SNX24: variants seen among roughly 807,000 people sequenced by gnomAD.
The protein encoded by SNX24 is sorting nexin 24, also known as sorting nexin-24.
SNX24 carries 22 observed loss-of-function variants against 28.7 expected under a neutral mutation model. That is an observed-to-expected ratio of 0.77 (90% CI 0.55 to 1.10). SNX24 has a LOEUF of 1.10. Among genes scored for constraint, SNX24 ranks in the 50% least tolerant of loss-of-function variants. The pLI is 0.00. For synonymous variants in SNX24, 69 were observed against 71.5 expected (o/e 0.96, Z 0.18); for missense variants, 221 against 201.1 (o/e 1.10, Z -0.60).
intron 1 of SNX24, among the ~76,000 whole-genome samples, chr5:122,882,310 C>T (rs1756515393): frequency 6.6e-6 from 1 of 152,180 alleles, no homozygotes; most frequent in Non-Finnish European, 1.5e-5. Context: ...ATTAGGATGC[C>T]TCTACTCCTT....
At chr5:122,953,277 G>A (rs1760047075) in intron 3 of SNX24, among the ~76,000 whole-genome samples, 1 of 151,892 alleles carries the variant, frequency 6.6e-6, no homozygotes, top group African/African-American at 2.4e-5. Context: ...GCTAATTTTT[G>A]TATTTTTAAT....
chr5:122,880,024 C>T (rs1215149122), intron 1 of SNX24, among the ~76,000 whole-genome samples: 1 of 152,074 alleles, frequency 6.6e-6, no homozygotes, highest in Non-Finnish European at 1.5e-5. Context: ...GTTTAAGGAC[C>T]AGGACTCGTT....
chr5:122,947,297 G>A (rs952536685), intron 3 of SNX24, among the ~76,000 whole-genome samples: 3 of 151,932 alleles, frequency 2.0e-5, no homozygotes, highest in Admixed American at 6.6e-5. Flanking sequence ...CTCTATGAAT[G>A]GCTGTCCCTG....
chr5:122,957,989 T>C (rs1760288423), intron 3 of SNX24, among the ~76,000 whole-genome samples: 1 of 152,200 alleles, frequency 6.6e-6, no homozygotes, highest in African/African-American at 2.4e-5. Flanking sequence ...ATTTTACTTC[T>C]TCCATTCCAA....
chr5:122,994,235 GT>G (rs1335281682), intron 3 of SNX24, among the ~76,000 whole-genome samples: 2 of 152,122 alleles, frequency 1.3e-5, no homozygotes, highest in East Asian at 3.9e-4. Context: ...GAATGCCAGC[GT>G]TCGATTTCAC....
At chr5:122,948,618 AG>A in intron 3 of SNX24, 1 of 152,360 alleles carries the variant, frequency 6.6e-6, no homozygotes, top group Non-Finnish European at 1.5e-5. Context: ...CTGCCATCCA[AG>A]GGGCAACTAG....
intron 1 of SNX24, among the ~76,000 whole-genome samples, chr5:122,931,845 T>C (rs1177594927): frequency 6.7e-6 from 1 of 149,820 alleles, no homozygotes; most frequent in African/African-American, 2.4e-5. Flanking sequence ...CTTTTTCTCT[T>C]TTTTTTTTGC....
chr5:122,987,078 G>T (rs1761635549), intron 3 of SNX24, among the ~76,000 whole-genome samples: 1 of 152,106 alleles, frequency 6.6e-6, no homozygotes, highest in African/African-American at 2.4e-5. Flanking sequence ...AGGTAGAGTT[G>T]TTGGGATAAA....
intron 3 of SNX24, among the ~76,000 whole-genome samples, chr5:122,954,252 T>G (rs1178501973): frequency 6.6e-6 from 1 of 151,834 alleles, no homozygotes; most frequent in Non-Finnish European, 1.5e-5. Context: ...GTGTTAAGTA[T>G]TCTGTTTATT....
At position 122,890,565 on chromosome 5, in the gene SNX24, G is replaced by A. The variant is rs367696230; in HGVS notation, c.60+44872G>A. Among the ~76,000 whole-genome samples, 507 of 150,624 alleles carry A rather than the reference G, an allele frequency of 3.4e-3. 4 individuals carry two copies. Among genetic ancestry groups the A allele is most frequent in the African/African-American group, 0.012 (483 of 40,956 alleles). On this transcript the variant is annotated intron_variant, in intron 1 of 6. Transcript: ENST00000261369. ...GCTCACTACAACCTCCGCCTCCTAG[G>A]TTCAAGCGATTCTTCCACCTTTGAC...
intron 3 of SNX24, among the ~76,000 whole-genome samples, chr5:122,983,716 G>A (rs1316163588): frequency 3.9e-5 from 6 of 152,116 alleles, no homozygotes; most frequent in Admixed American, 3.3e-4. Context: ...CAATCCTCCC[G>A]CCTTAGCTAC....
chr5:123,023,942 C>A (rs750798969), intron 5 of SNX24: 13 of 1,614,006 alleles, frequency 8.1e-6, no homozygotes, highest in Non-Finnish European at 1.1e-5. Context: ...GATGATCGAG[C>A]AGTTGGTGAG....
At chr5:122,952,198 A>T (rs1561646725) in intron 3 of SNX24, among the ~76,000 whole-genome samples, 1 of 152,118 alleles carries the variant, frequency 6.6e-6, no homozygotes. Flanking sequence ...AATCCAAAAC[A>T]CTTGTGGTCC....
At chr5:123,023,408 GA>G (rs374302222) in intron 5 of SNX24, 6 of 152,378 alleles carry the variant, frequency 3.9e-5, no homozygotes, top group African/African-American at 1.4e-4. Context: ...TTAATATAAA[GA>G]ACAGCAAAGC....
chr5:122,967,466 C>T (rs1760759408), intron 3 of SNX24, among the ~76,000 whole-genome samples: 1 of 152,184 alleles, frequency 6.6e-6, no homozygotes, highest in South Asian at 2.1e-4. Flanking sequence ...TGAGGGGCAG[C>T]ACGTGCTGCC....
chr5:122,845,616 C>T lies in SNX24; in HGVS notation c.-18C>T. The T allele has an allele frequency of 2.2e-6, 3 of 1,378,396 alleles. No individual in the cohort carries two copies. Among genetic ancestry groups the T allele is most frequent in the Non-Finnish European group, 1.9e-6 (2 of 1,057,328 alleles). 85.4% of individuals were successfully genotyped at this position (1,378,396 alleles called of 1,614,324 possible). A position where few individuals can be genotyped will look rare whatever the true frequency, so the allele number is the denominator to read the frequency against. ...AGCCTGCCCCCAACTCGCCCTCAGC[C>T]GGCTGGCCGGCGCGGCCATGGAGGT... On this transcript the variant is annotated 5_prime_UTR_variant, in exon 1 of 7. Transcript: ENST00000261369.
chr5:122,913,893 C>T (rs1003925554), intron 1 of SNX24, among the ~76,000 whole-genome samples: 15 of 152,276 alleles, frequency 9.9e-5, no homozygotes, highest in East Asian at 1.9e-4. Flanking sequence ...GGATCACTCG[C>T]GGTTAGGAGC....
chr5:122,909,497 G>A (rs1453732478), intron 1 of SNX24, among the ~76,000 whole-genome samples: 2 of 152,198 alleles, frequency 1.3e-5, no homozygotes, highest in African/African-American at 2.4e-5. Flanking sequence ...GATAAGTCCA[G>A]GGTCTGAGTA....
chr5:122,862,620 GAGAA>G lies in SNX24; in HGVS notation c.60+16930_60+16933del, dbSNP rs770244204. ...CTGTCTCAAAAAAAAAAAAAAAAAA[GAGAA>G]AGGAAGGAAAGATAGTCAATTTCAC... On this transcript the variant is annotated intron_variant, in intron 1 of 6. Coordinates refer to ENST00000261369, the MANE Select transcript of SNX24 (RefSeq NM_014035.4). Among the ~76,000 whole-genome samples the G allele has an allele frequency of 2.4e-3, 347 of 143,896 alleles. 1 individual carries two copies. Among genetic ancestry groups the G allele is most frequent in the Non-Finnish European group, 4.5e-3 (299 of 65,940 alleles). 94.4% of individuals were successfully genotyped at this position (143,896 alleles called of 152,430 possible). A position where few individuals can be genotyped will look rare whatever the true frequency, so the allele number is the denominator to read the frequency against.
Sources: gnomAD v4.1 joint callset for allele counts (sites outside exome capture counted in the v4.1 genomes callset) on GRCh38, gnomAD v4.1.1 for gene constraint, MANE v1.5 for transcripts, NCBI Gene and HGNC (gene_info 2026-07-23, HGNC 2026-07-21) for gene names.